DNER: variants seen among roughly 807,000 people sequenced by gnomAD.
DNER encodes the protein delta/notch like EGF repeat containing, also known as delta and Notch-like epidermal growth factor-related receptor.
DNER carries 33 observed loss-of-function variants against 78.2 expected under a neutral mutation model. The ratio of observed to expected loss-of-function variants is 0.42; its 90% CI spans 0.32 to 0.56. DNER has a LOEUF of 0.56. Among genes scored for constraint, DNER ranks in the 20% least tolerant of loss-of-function variants. DNER has a pLI of 0.11. For missense variants in DNER, 918 were observed against 975.3 expected (o/e 0.94, Z 0.78); for synonymous variants, 417 against 384.8 (o/e 1.08, Z -0.98).
intron 8 of DNER, among the ~76,000 whole-genome samples, chr2:229,426,375 A>C (rs1693877596): frequency 7.0e-6 from 1 of 143,434 alleles, no homozygotes; most frequent in African/African-American, 2.6e-5. Flanking sequence ...CAGGAGGCAG[A>C]GCTTGCAATG....
intron 1 of DNER, among the ~76,000 whole-genome samples, chr2:229,600,893 C>G (rs741379): frequency 0.031 from 4,652 of 152,258 alleles, 213 homozygotes; most frequent in African/African-American, 0.096. Context: ...GAGAGTGACT[C>G]TGTCTGCCAG....
At chr2:229,380,398 C>G (rs904028761) in intron 11 of DNER, among the ~76,000 whole-genome samples, 1 of 152,110 alleles carries the variant, frequency 6.6e-6, no homozygotes, top group African/African-American at 2.4e-5. Context: ...CAAATTCACA[C>G]AGAAGACAAG....
Position 229,684,845 on chromosome 2 carries a change from T to C in DNER, c.276+29303A>G, listed in dbSNP as rs144256506. Among the ~76,000 whole-genome samples the C allele has an allele frequency of 2.8e-3, 425 of 152,324 alleles. 1 individual carries two copies. Among genetic ancestry groups the C allele is most frequent in the African/African-American group, 9.2e-3 (384 of 41,564 alleles). On this transcript the variant is annotated intron_variant, in intron 1 of 12. Transcript: ENST00000341772. ...GTTTACAGCAAAAATTAGAAAGCAG[T>C]ATGGGCTGTTTTCCAAATGAAACTA...
chr2:229,683,558 A>C (rs1427342298), intron 1 of DNER, among the ~76,000 whole-genome samples: 1 of 152,210 alleles, frequency 6.6e-6, no homozygotes, highest in African/African-American at 2.4e-5. Context: ...GAAAGGAAAG[A>C]AAACAAAATA....
At chr2:229,537,317 G>C (rs904449286) in intron 5 of DNER, among the ~76,000 whole-genome samples, 6 of 152,052 alleles carry the variant, frequency 3.9e-5, no homozygotes, top group African/African-American at 1.4e-4. Context: ...ACACTGAATG[G>C]GCTACAAAGG....
intron 5 of DNER, among the ~76,000 whole-genome samples, chr2:229,528,339 AC>A (rs996005252): frequency 3.0e-4 from 46 of 152,314 alleles, no homozygotes; most frequent in African/African-American, 1.0e-3. Context: ...CACATGTGCC[AC>A]CTTTTACTGG....
chr2:229,485,653 G>A (rs1172821149), intron 6 of DNER, among the ~76,000 whole-genome samples: 1 of 151,946 alleles, frequency 6.6e-6, no homozygotes, highest in African/African-American at 2.4e-5. Flanking sequence ...CCTTCCAGAG[G>A]TCAATGGTAA....
At chr2:229,427,834 T>C (rs1037656096) in intron 8 of DNER, among the ~76,000 whole-genome samples, 2 of 152,064 alleles carry the variant, frequency 1.3e-5, no homozygotes, top group African/African-American at 4.8e-5. Flanking sequence ...CCCAGCACTT[T>C]GGGAGGCTGA....
At position 229,404,051 on chromosome 2, in the gene DNER, G is replaced by A. The variant is rs557853734; in HGVS notation, c.1723+3181C>T. 3.9e-5 allele frequency among the ~76,000 whole-genome samples: 6 copies of A among 152,258 alleles called. No homozygotes were observed. In the South Asian group the frequency reaches 1.0e-3, roughly 26 times the overall value. On this transcript the variant is annotated intron_variant, in intron 10 of 12. Transcript: ENST00000341772. Reference sequence around the variant, plus strand: ...AATGGATTAGGAGTCAGGAGGAATAGGTGTGAGGAGACCAGATAGGAAGGC... The same window carrying A: ...AATGGATTAGGAGTCAGGAGGAATAAGTGTGAGGAGACCAGATAGGAAGGC...
chr2:229,477,758 T>C (rs1485215695), intron 6 of DNER, among the ~76,000 whole-genome samples: 1 of 152,216 alleles, frequency 6.6e-6, no homozygotes, highest in Non-Finnish European at 1.5e-5. Flanking sequence ...CTGTGACCTC[T>C]CCTCCCACTT....
At chr2:229,499,322 G>A (rs993044004) in intron 6 of DNER, among the ~76,000 whole-genome samples, 1 of 151,792 alleles carries the variant, frequency 6.6e-6, no homozygotes. Context: ...GTGGGTGCCT[G>A]TAGTCCCAGC....
At chr2:229,471,655 C>A (rs1694926433) in intron 7 of DNER, among the ~76,000 whole-genome samples, 1 of 152,198 alleles carries the variant, frequency 6.6e-6, no homozygotes, top group African/African-American at 2.4e-5. Context: ...AATTATGTGA[C>A]TTAACCGAGG....
At chr2:229,395,115 G>A (rs534263320) in intron 10 of DNER, among the ~76,000 whole-genome samples, 31 of 152,222 alleles carry the variant, frequency 2.0e-4, no homozygotes, top group Admixed American at 1.2e-3. Flanking sequence ...TTTGTGTTGC[G>A]TTACCTGATC....
Position 229,576,328 on chromosome 2 carries a change from CTTT to C in DNER, c.847+9527_847+9529del, listed in dbSNP as rs61419138. On this transcript the variant is annotated intron_variant, in intron 4 of 12. Coordinates refer to ENST00000341772, the MANE Select transcript of DNER (RefSeq NM_139072.4). ...AAAAGAATGATGAAAGTTTCTCTCT[CTTT>C]TTTTTTTTTTTTTTTTGGCATTTGA... is the stretch of plus-strand genomic sequence containing the variant. Among the ~76,000 whole-genome samples, 246 of 118,076 alleles carry C rather than the reference CTTT, an allele frequency of 2.1e-3. 1 individual carries two copies. The highest frequency in any genetic ancestry group is 5.1e-3 in the African/African-American group (169 of 32,882). The allele number at this position is 118,076 out of a possible 152,430, so 77.5% of individuals were successfully genotyped here.
rs567403657 is a variant in DNER, at chr2:229,360,642, G to A, written c.2103-1991C>T. Reference sequence around the variant, plus strand: ...TTAGCCAGGATGGTCTCAATCTCCTGACCTCGTGATCCACCCGCCTCGGCC... The same window carrying A: ...TTAGCCAGGATGGTCTCAATCTCCTAACCTCGTGATCCACCCGCCTCGGCC... On this transcript the variant is annotated intron_variant, in intron 12 of 12. Coordinates refer to ENST00000341772, the MANE Select transcript of DNER (RefSeq NM_139072.4). Among the ~76,000 whole-genome samples the A allele has an allele frequency of 3.6e-3, 548 of 152,214 alleles. 1 individual carries two copies. Among genetic ancestry groups the A allele is most frequent in the African/African-American group, 0.013 (525 of 41,526 alleles).
chr2:229,469,597 C>T (rs943279152), intron 7 of DNER, among the ~76,000 whole-genome samples: 5 of 152,178 alleles, frequency 3.3e-5, no homozygotes, highest in Non-Finnish European at 5.9e-5. Flanking sequence ...TCAAACTCAG[C>T]AAAGTCTACT....
At chr2:229,630,685 G>C (rs1414262116) in intron 1 of DNER, among the ~76,000 whole-genome samples, 1 of 151,956 alleles carries the variant, frequency 6.6e-6, no homozygotes, top group African/African-American at 2.4e-5. Context: ...GTGCAGGTTT[G>C]TTACAAGGAC....
At chr2:229,696,049 T>A (rs942427647) in intron 1 of DNER, among the ~76,000 whole-genome samples, 1 of 152,146 alleles carries the variant, frequency 6.6e-6, no homozygotes, top group African/African-American at 2.4e-5. Flanking sequence ...ACTGCCCAAA[T>A]CCTAATCCCT....
In DNER at chr2:229,359,496, C is replaced by T. The variant is rs553340664; in HGVS notation, c.2103-845G>A. Among the ~76,000 whole-genome samples, 8 of 152,266 alleles carry T rather than the reference C, an allele frequency of 5.3e-5. No individual in the cohort carries two copies. In the South Asian group the frequency reaches 1.7e-3, roughly 32 times the overall value. On this transcript the variant is annotated intron_variant, in intron 12 of 12. Transcript: ENST00000341772. ...GCCCTGGAGTGCAACAGGATTCAAA[C>T]GATCTTCCACACTAACCCATCCTCC...
Sources: gnomAD v4.1 joint callset for allele counts (sites outside exome capture counted in the v4.1 genomes callset) on GRCh38, gnomAD v4.1.1 for gene constraint, MANE v1.5 for transcripts, NCBI Gene and HGNC (gene_info 2026-07-23, HGNC 2026-07-21) for gene names.